The following ENG variants were observed in gnomAD, a reference collection of about 807,000 sequenced individuals.
ENG encodes CD105 antigen.
A neutral mutation model predicts 71.0 loss-of-function variants in ENG; 17 were observed. The ratio of observed to expected loss-of-function variants is 0.24; its 90% CI spans 0.16 to 0.36. The LOEUF (loss-of-function observed/expected upper bound fraction) is 0.36. Among genes scored for constraint, ENG ranks in the 10% least tolerant of loss-of-function variants. The pLI is 1.00. For missense variants in ENG, 749 were observed against 868.3 expected, an observed-to-expected ratio of 0.86 and a Z score of 1.73; for synonymous variants, 360 against 366.9, an observed-to-expected ratio of 0.98 and a Z score of 0.21.
chr9:127,835,526 G>A (rs996989411), intron 2 of ENG, among the ~76,000 whole-genome samples: 1 of 152,130 alleles, frequency 6.6e-6, no homozygotes, highest in Non-Finnish European at 1.5e-5. Flanking sequence ...ACACAGCACA[G>A]CCTGTGGTGC....
In ENG at chr9:127,818,250, A is replaced by G. The variant is rs1376970859; in HGVS notation, c.1556T>C (p.Leu519Pro). The G allele has an allele frequency of 6.2e-7, 1 of 1,614,064 alleles. No homozygotes were observed. Among genetic ancestry groups the G allele is most frequent in the Admixed American group, 1.7e-5 (1 of 60,000 alleles). The change falls in exon 12 of 15, where the codon CTG becomes CCG. Residue 519 changes from leucine (L) to proline (P), a missense_variant. Coordinates refer to ENST00000373203, the MANE Select transcript of ENG (RefSeq NM_001114753.3). ...GTCACCCTCGGGGCTTGGGGACAGC[A>G]GGCTCACACAGTTGCCCTTGGCCGC... ...GRAAKGNCVSLLSPSPEGDPR... is the reference protein window; with the variant it reads ...GRAAKGNCVSPLSPSPEGDPR...
rs1295680918 is a variant in ENG at position 127,854,509 on chromosome 9, G to A, written c.-154C>T. On this transcript the variant is annotated 5_prime_UTR_variant, in exon 1 of 15. Transcript: ENST00000373203. Reference sequence around the variant, plus strand: ...CCCTGCTCCAGCCTTCTGGGGTGGCGGCCGAGGGGTCAGGAGAAGTGGACA... The same window carrying A: ...CCCTGCTCCAGCCTTCTGGGGTGGCAGCCGAGGGGTCAGGAGAAGTGGACA... 9.0e-5 allele frequency: 68 copies of A among 751,642 alleles called. 1 individual carries two copies. The South Asian group carries it at 1.1e-3, about 12-fold the overall frequency. 46.6% of individuals were successfully genotyped at this position (751,642 alleles called of 1,614,324 possible).
chr9:127,824,308 A>G lies in ENG; in HGVS notation c.1130T>C (p.Val377Ala), dbSNP rs1285451163. 3 of 1,613,964 alleles carry G rather than the reference A, an allele frequency of 1.9e-6. No individual in the cohort carries two copies. Among genetic ancestry groups the G allele is most frequent in the East Asian group, 2.2e-5 (1 of 44,858 alleles). The change falls in exon 8 of 15, where the codon GTT becomes GCT. Residue 377 changes from valine (V) to alanine (A), a missense_variant. By Grantham distance (64) the Val-to-Ala change is moderately conservative. Coordinates refer to ENST00000373203, the MANE Select transcript of ENG (RefSeq NM_001114753.3). ...AMTLVLKKELVAHLKCTITGL... is the reference protein window; with the variant it reads ...AMTLVLKKELAAHLKCTITGL... ...GAGGGGCAGGAGTTCCCTTACCGCAACAAGCTCTTTCTTTAGTACCAGGGT... is the reference window on the plus strand; with the variant it reads ...GAGGGGCAGGAGTTCCCTTACCGCAGCAAGCTCTTTCTTTAGTACCAGGGT...
chr9:127,830,924 G>A (rs1160935713), intron 2 of ENG, among the ~76,000 whole-genome samples: 1 of 151,936 alleles, frequency 6.6e-6, no homozygotes, highest in Non-Finnish European at 1.5e-5. Context: ...GGTTGTTTTG[G>A]TATAATGCCA....
rs199764615 is a variant in ENG, at chr9:127,820,018, G to A, written c.1154C>T (p.Thr385Met). ...GCTGGGGTCCCAGAAGGTCAGGCCC[G>A]TGATGGTGCACTTCAAATGCTGGGT... ...ELVAHLKCTITGLTFWDPSCE... is the reference protein window; with the variant it reads ...ELVAHLKCTIMGLTFWDPSCE... The change falls in exon 9 of 15, where the codon ACG becomes ATG. Residue 385 changes from threonine to methionine, a missense_variant. Coordinates refer to ENST00000373203, the MANE Select transcript of ENG (RefSeq NM_001114753.3). The A allele has an allele frequency of 1.7e-5, 27 of 1,614,042 alleles. No individual in the cohort carries two copies. The highest frequency in any genetic ancestry group is 2.2e-5 in the East Asian group (1 of 44,870).
chr9:127,826,895 C>G, intron 3 of ENG: 1 of 563,412 alleles, frequency 1.8e-6, no homozygotes, highest in Non-Finnish European at 3.2e-6. Context: ...GAACACACCA[C>G]CTTGTTCATC....
At position 127,815,299 on chromosome 9, in the gene ENG, A is replaced by G; in HGVS notation, c.*383T>C. The stretch of plus-strand genomic sequence containing the variant: ...GGGCCCTCTTCTCTTCCCAGCGGGG[A>G]GGTGCTGTTGGCCTGGCTGGGCTGG... On this transcript the variant is annotated 3_prime_UTR_variant, in exon 15 of 15. Transcript: ENST00000373203. 9.4e-6 allele frequency: 2 copies of G among 212,536 alleles called. No homozygotes were observed. Among genetic ancestry groups the G allele is most frequent in the South Asian group, 9.8e-5 (1 of 10,252 alleles). 13.2% of individuals were successfully genotyped at this position (212,536 alleles called of 1,614,324 possible). A position where few individuals can be genotyped will look rare whatever the true frequency, so the allele number is the denominator to read the frequency against.
At position 127,819,916 on chromosome 9, in the gene ENG, C is replaced by T. The variant is rs1181617471; in HGVS notation, c.1256G>A (p.Ser419Asn). ...YSSCGMQVSA[S>N]MISNEAVVNI... ...AGCTCTTACCTCATTGCTGATCATA[C>T]TTGCTGACACCTGCATGCCACAGCT... Residue 419 changes from serine (S) to asparagine (N), a missense_variant, in exon 9 of 15, where the codon AGT becomes AAT. Coordinates refer to ENST00000373203, the MANE Select transcript of ENG (RefSeq NM_001114753.3). The T allele has an allele frequency of 1.2e-6, 2 of 1,614,256 alleles. No homozygotes were observed. The highest frequency in any genetic ancestry group is 1.7e-6 in the Non-Finnish European group (2 of 1,180,040).
At chr9:127,824,758 AG>A in intron 7 of ENG, 41 bp downstream of exon 7, 1 of 1,389,276 alleles carries the variant, frequency 7.2e-7, no homozygotes, top group Non-Finnish European at 9.4e-7. Flanking sequence ...CACTGATCCA[AG>A]GGAGGGGAAG....
chr9:127,817,065 C>T, intron 13 of ENG, 84 bp downstream of exon 13: 1 of 1,512,342 alleles, frequency 6.6e-7, no homozygotes, highest in South Asian at 1.1e-5. Context: ...GCTATGTGCC[C>T]AGGCCGTTTC....
At chr9:127,851,095 G>A (rs192735308) in intron 1 of ENG, among the ~76,000 whole-genome samples, 1 of 152,090 alleles carries the variant, frequency 6.6e-6, no homozygotes, top group Non-Finnish European at 1.5e-5. Flanking sequence ...CCATACTAAC[G>A]GTACCTGTAT....
chr9:127,848,168 T>C (rs1334362009), intron 1 of ENG, among the ~76,000 whole-genome samples: 1 of 152,148 alleles, frequency 6.6e-6, no homozygotes, highest in Non-Finnish European at 1.5e-5. Context: ...GTGACTACTA[T>C]CACAATTATT....
intron 1 of ENG, among the ~76,000 whole-genome samples, chr9:127,848,137 GT>G (rs1831213902): frequency 1.3e-5 from 2 of 152,188 alleles, no homozygotes; most frequent in Non-Finnish European, 2.9e-5. Flanking sequence ...CTCCTGCTAA[GT>G]GGGGGTTGCT....
At chr9:127,824,475 G>T (rs1449095339) in intron 7 of ENG, 29 bp from the exon 8 acceptor site, 16 of 1,611,670 alleles carry the variant, frequency 9.9e-6, no homozygotes, top group Non-Finnish European at 1.3e-5. Flanking sequence ...AGGCCAGGCG[G>T]CTGGTCACTG....
At chr9:127,828,019 CAAAAAAA>C (rs997493323) in intron 3 of ENG, among the ~76,000 whole-genome samples, 19 of 31,206 alleles carry the variant, frequency 6.1e-4, no homozygotes, top group Non-Finnish European at 1.0e-3. Context: ...AACTCCATCT[CAAAAAAA>C]AAAAAAAAAA....
At chr9:127,823,873 G>T (rs537024308) in intron 8 of ENG, among the ~76,000 whole-genome samples, 2 of 151,694 alleles carry the variant, frequency 1.3e-5, no homozygotes, top group South Asian at 4.2e-4. Context: ...TAAAGACAGG[G>T]TTTCACCATG....
At chr9:127,840,154 G>A (rs1830994713) in intron 2 of ENG, among the ~76,000 whole-genome samples, 1 of 152,246 alleles carries the variant, frequency 6.6e-6, no homozygotes, top group African/African-American at 2.4e-5. Context: ...CTCGGAGGTG[G>A]CCCAAGGCGA....
chr9:127,837,437 G>A (rs761553459), intron 2 of ENG, among the ~76,000 whole-genome samples: 10 of 152,236 alleles, frequency 6.6e-5, no homozygotes, highest in Middle Eastern at 3.4e-3. Flanking sequence ...TTCTTCCTCA[G>A]CTGAGGGGGC....
Position 127,824,950 on chromosome 9 carries a change from T to C in ENG, c.841A>G (p.Ile281Val), listed in dbSNP as rs764640510. Residue 281 changes from isoleucine to valine, a missense_variant, in exon 7 of 15, where the codon ATC becomes GTC. By Grantham distance (29) the Ile-to-Val change is conservative. Coordinates refer to ENST00000373203, the MANE Select transcript of ENG (RefSeq NM_001114753.3). ...CCACGAATGTTTTTCTCTGGAAAGATCTTGAAGGAGTATTCTCCAGTGGTC... is the reference window on the plus strand; with the variant it reads ...CCACGAATGTTTTTCTCTGGAAAGACCTTGAAGGAGTATTCTCCAGTGGTC... The part of the protein sequence containing the change: ...IWTTGEYSFK[I>V]FPEKNIRGFK... 4 of 1,613,596 alleles carry C rather than the reference T, an allele frequency of 2.5e-6. No individual in the cohort carries two copies. In the East Asian group the frequency reaches 6.7e-5, roughly 27 times the overall value.
Sources: allele counts gnomAD v4.1 joint callset (sites outside exome capture counted in the v4.1 genomes callset), GRCh38; gene constraint gnomAD v4.1.1; transcripts MANE v1.5; gene names NCBI Gene and HGNC (gene_info 2026-07-23, HGNC 2026-07-21).